Variants in GRPEL2 observed in about 807,000 individuals in gnomAD.
GRPEL2 encodes GrpE like 2, mitochondrial.
A neutral mutation model predicts 25.9 loss-of-function variants in GRPEL2; 18 were observed. The ratio of observed to expected loss-of-function variants is 0.70; its 90% CI spans 0.48 to 1.03. GRPEL2 has a LOEUF of 1.03. Ranked by LOEUF, GRPEL2 falls within the 50% of genes least tolerant of loss-of-function variation. The pLI, the probability that GRPEL2 is intolerant of heterozygous loss-of-function variation, is 0.00. For synonymous variants in GRPEL2, 106 were observed against 107.9 expected, an observed-to-expected ratio of 0.98 and a Z score of 0.11; for missense variants, 247 against 276.2, an observed-to-expected ratio of 0.89 and a Z score of 0.75.
chr5:149,346,540 C>G lies in GRPEL2; in HGVS notation c.77+924C>G, dbSNP rs1254919416. Among the ~76,000 whole-genome samples the G allele has an allele frequency of 2.0e-5, 3 of 152,064 alleles. No homozygotes were observed. The East Asian group carries it at 5.8e-4, about 29-fold the overall frequency. On this transcript the variant is annotated intron_variant, in intron 1 of 3. Coordinates refer to ENST00000329271, the MANE Select transcript of GRPEL2 (RefSeq NM_152407.4). ...TTGGTTTTGCTTACCGTTCTCAAGT[C>G]TTTTTGGCAGCTTGTTGGTGATGTA...
At chr5:149,347,662 T>G (rs997215975) in intron 1 of GRPEL2, among the ~76,000 whole-genome samples, 12 of 152,258 alleles carry the variant, frequency 7.9e-5, no homozygotes, top group African/African-American at 2.9e-4. Flanking sequence ...TAGTATTGTA[T>G]AAGTATTTCA....
chr5:149,348,637 C>T (rs1159655023), intron 2 of GRPEL2, among the ~76,000 whole-genome samples: 3 of 152,178 alleles, frequency 2.0e-5, no homozygotes, highest in African/African-American at 7.2e-5. Context: ...CATCTCTTTT[C>T]GGTTTCCTGT....
At chr5:149,348,201 C>G in intron 1 of GRPEL2, 71 bp from the exon 2 acceptor site, 1 of 1,389,630 alleles carries the variant, frequency 7.2e-7, no homozygotes, top group Non-Finnish European at 9.8e-7. Flanking sequence ...GATCTCTGGT[C>G]TCTAAACTTG....
At chr5:149,346,354 T>G (rs1379983713) in intron 1 of GRPEL2, among the ~76,000 whole-genome samples, 1 of 152,180 alleles carries the variant, frequency 6.6e-6, no homozygotes, top group Non-Finnish European at 1.5e-5. Context: ...ATAAAAATAG[T>G]TGAGTACGAG....
chr5:149,348,576 T>A, intron 2 of GRPEL2, 151 bp downstream of exon 2: 1 of 624,706 alleles, frequency 1.6e-6, no homozygotes. Context: ...CTAGGTATAC[T>A]GGGCAGAAAA....
In GRPEL2 at chr5:149,348,344, T is replaced by C; in HGVS notation, c.150T>C (p.Pro50=). 1 of 1,613,522 alleles carries C rather than the reference T, an allele frequency of 6.2e-7. No homozygotes were observed. The highest frequency in any genetic ancestry group is 2.2e-5 in the East Asian group (1 of 44,886). Reference sequence around the variant, plus strand: ...AGGACTGCCGTTCTGAGGACCCTCCTGATGAGCTTGGGCCCCCTCTTGCTG... The same window carrying C: ...AGGACTGCCGTTCTGAGGACCCTCCCGATGAGCTTGGGCCCCCTCTTGCTG... ...AGEDCRSEDP[P]DELGPPLAER... The change falls in exon 2 of 4, where the codon CCT becomes CCC. Residue 50 remains proline (P), a synonymous_variant. Coordinates refer to ENST00000329271, the MANE Select transcript of GRPEL2 (RefSeq NM_152407.4).
In GRPEL2 at chr5:149,354,464, C is replaced by T. The variant is rs1757824871; in HGVS notation, c.*3182C>T. The T allele has an allele frequency of 6.6e-6, 1 of 152,146 alleles. No individual in the cohort carries two copies. Among genetic ancestry groups the T allele is most frequent in the Non-Finnish European group, 1.5e-5 (1 of 68,020 alleles). 9.4% of individuals were successfully genotyped at this position (152,146 alleles called of 1,614,324 possible). A position where few individuals can be genotyped will look rare whatever the true frequency, so the allele number is the denominator to read the frequency against. On this transcript the variant is annotated 3_prime_UTR_variant, in exon 4 of 4. Transcript: ENST00000329271. ...ATTTGATAAATAAAAGTTCTTTAAA[C>T]ACTAAAGCAAAATCAAATGAGCAAA...
rs1024844851 is a variant in GRPEL2 at position 149,352,600 on chromosome 5, T to C, written c.*1318T>C. On this transcript the variant is annotated 3_prime_UTR_variant, in exon 4 of 4. Transcript: ENST00000329271. The stretch of plus-strand genomic sequence containing the variant: ...GAATTAATGGGCCTATGTGGTTTTT[T>C]TTCAGTCTTATAGCTGGTGTTCTGT... 1.3e-5 allele frequency: 2 copies of C among 152,204 alleles called. No homozygotes were observed. Among genetic ancestry groups the C allele is most frequent in the African/African-American group, 4.8e-5 (2 of 41,452 alleles). The allele number at this position is 152,204 out of a possible 1,614,324, so 9.4% of individuals were successfully genotyped here.
Position 149,352,569 on chromosome 5 carries a change from C to T in GRPEL2, c.*1287C>T, listed in dbSNP as rs1440117890. The T allele has an allele frequency of 1.3e-5, 2 of 151,864 alleles. No homozygotes were observed. The highest frequency in any genetic ancestry group is 6.6e-5 in the Admixed American group (1 of 15,260). 9.4% of individuals were successfully genotyped at this position (151,864 alleles called of 1,614,324 possible). A position where few individuals can be genotyped will look rare whatever the true frequency, so the allele number is the denominator to read the frequency against. ...ATTGAGCTCACCTTTTATATATTAACCTCTAGAATTAATGGGCCTATGTGG... is the reference window on the plus strand; with the variant it reads ...ATTGAGCTCACCTTTTATATATTAATCTCTAGAATTAATGGGCCTATGTGG... On this transcript the variant is annotated 3_prime_UTR_variant, in exon 4 of 4. Coordinates refer to ENST00000329271, the MANE Select transcript of GRPEL2 (RefSeq NM_152407.4).
rs1259161139 is a variant in GRPEL2 at position 149,352,447 on chromosome 5, T to G, written c.*1165T>G. On this transcript the variant is annotated 3_prime_UTR_variant, in exon 4 of 4. Coordinates refer to ENST00000329271, the MANE Select transcript of GRPEL2 (RefSeq NM_152407.4). ...GCGCCCGCAAAGTTTTTTTGTTGTTTTTTTTTTTAAGTTGGTACTCACAAA... is the reference window on the plus strand; with the variant it reads ...GCGCCCGCAAAGTTTTTTTGTTGTTGTTTTTTTTAAGTTGGTACTCACAAA... The G allele has an allele frequency of 1.3e-5, 2 of 151,952 alleles. No individual in the cohort carries two copies. The highest frequency in any genetic ancestry group is 1.9e-4 in the East Asian group (1 of 5,192). 9.4% of individuals were successfully genotyped at this position (151,952 alleles called of 1,614,324 possible).
At chr5:149,347,096 G>A (rs2127609461) in intron 1 of GRPEL2, among the ~76,000 whole-genome samples, 1 of 152,208 alleles carries the variant, frequency 6.6e-6, no homozygotes, top group South Asian at 2.1e-4. Context: ...GTTTCACCGT[G>A]TGTAATTAGC....
chr5:149,348,229 T>C (rs749777905), intron 1 of GRPEL2, 43 bp from the exon 2 acceptor site: 1 of 1,545,248 alleles, frequency 6.5e-7, no homozygotes, highest in Non-Finnish European at 8.7e-7. Flanking sequence ...TTTTGGCTTA[T>C]GATGGCATTT....
At chr5:149,350,505 T>C (rs192326870) in intron 3 of GRPEL2, among the ~76,000 whole-genome samples, 5 of 152,352 alleles carry the variant, frequency 3.3e-5, no homozygotes, top group Admixed American at 3.3e-4. Flanking sequence ...TCGTGAAATA[T>C]TAATGTCTTG....
chr5:149,345,630 G>GC lies in GRPEL2; in HGVS notation c.77+15dup. Reference sequence around the variant, plus strand: ...GTGGGAGAGCAAGTAAGCATTGCAGGCGGGGAGTCGGGAGCGTGAGGACTC... The same window carrying GC: ...GTGGGAGAGCAAGTAAGCATTGCAGGCCGGGGAGTCGGGAGCGTGAGGACTC... On this transcript the variant is annotated intron_variant, in intron 1 of 3. Transcript: ENST00000329271. The GC allele has an allele frequency of 1.2e-6, 2 of 1,600,060 alleles. No individual in the cohort carries two copies. The highest frequency in any genetic ancestry group is 2.2e-5 in the South Asian group (2 of 89,190).
intron 2 of GRPEL2, among the ~76,000 whole-genome samples, chr5:149,349,452 A>AT (rs1272690211): frequency 2.0e-5 from 3 of 152,240 alleles, no homozygotes; most frequent in Non-Finnish European, 1.5e-5. Context: ...GTCAGGCTAA[A>AT]TGACTACCTA....
In GRPEL2 at chr5:149,348,311, T is replaced by G. The variant is rs756470373; in HGVS notation, c.117T>G (p.Thr39=). 2.5e-6 allele frequency: 4 copies of G among 1,612,142 alleles called. No homozygotes were observed. The highest frequency in any genetic ancestry group is 3.4e-6 in the Non-Finnish European group (4 of 1,179,582). ...CATTCAGCACTGCCACCCAGAGAACTGCTGGTGAGGACTGCCGTTCTGAGG... is the reference window on the plus strand; with the variant it reads ...CATTCAGCACTGCCACCCAGAGAACGGCTGGTGAGGACTGCCGTTCTGAGG... ...PLPFSTATQR[T]AGEDCRSEDP... is the part of the protein sequence containing the mutation. The change falls in exon 2 of 4, where the codon ACT becomes ACG. Residue 39 remains threonine (T), a synonymous_variant. Coordinates refer to ENST00000329271, the MANE Select transcript of GRPEL2 (RefSeq NM_152407.4).
chr5:149,352,210 C>G lies in GRPEL2; in HGVS notation c.*928C>G, dbSNP rs879557089. ...GTTAGGTTCCCATGATTTCTCATTT[C>G]ATTTATTAATAGTTAATGCTGAATT... On this transcript the variant is annotated 3_prime_UTR_variant, in exon 4 of 4. Coordinates refer to ENST00000329271, the MANE Select transcript of GRPEL2 (RefSeq NM_152407.4). 1 of 152,056 alleles carries G rather than the reference C, an allele frequency of 6.6e-6. No individual in the cohort carries two copies. The highest frequency in any genetic ancestry group is 6.6e-5 in the Admixed American group (1 of 15,260). 9.4% of individuals were successfully genotyped at this position (152,056 alleles called of 1,614,324 possible).
intron 1 of GRPEL2, among the ~76,000 whole-genome samples, chr5:149,346,555 T>C (rs1000291378): frequency 2.0e-5 from 3 of 151,994 alleles, no homozygotes; most frequent in Non-Finnish European, 4.4e-5. Flanking sequence ...TGGCAGCTTG[T>C]TGGTGATGTA....
rs1757821312 is a variant in GRPEL2 at position 149,354,177 on chromosome 5, C to G, written c.*2895C>G. 6.6e-6 allele frequency: 1 copy of G among 152,132 alleles called. No individual in the cohort carries two copies. Among genetic ancestry groups the G allele is most frequent in the Admixed American group, 6.5e-5 (1 of 15,274 alleles). The allele number at this position is 152,132 out of a possible 1,614,324, so 9.4% of individuals were successfully genotyped here. On this transcript the variant is annotated 3_prime_UTR_variant, in exon 4 of 4. Transcript: ENST00000329271. ...TTCTGGTTTTTAAAATTAGCCACACCACAGGAAACCCACATTTTTAGATGG... is the reference window on the plus strand; with the variant it reads ...TTCTGGTTTTTAAAATTAGCCACACGACAGGAAACCCACATTTTTAGATGG...
Sources: gnomAD v4.1 joint callset for allele counts (sites outside exome capture counted in the v4.1 genomes callset) on GRCh38, gnomAD v4.1.1 for gene constraint, MANE v1.5 for transcripts, NCBI Gene and HGNC (gene_info 2026-07-23, HGNC 2026-07-21) for gene names.